The following RFC4 variants were observed in gnomAD, a reference collection of about 807,000 sequenced individuals.
The protein encoded by RFC4 is replication factor C subunit 4.
A neutral mutation model predicts 47.6 loss-of-function variants in RFC4; 38 were observed. That is an observed-to-expected ratio of 0.80 (90% confidence interval 0.62 to 1.05). The LOEUF (loss-of-function observed/expected upper bound fraction) is 1.05, where lower values mean the gene tolerates loss of function less well. Ranked by LOEUF, RFC4 falls within the 50% of genes least tolerant of loss-of-function variation. The pLI, the probability that RFC4 is intolerant of heterozygous loss-of-function variation, is 0.00. For missense variants in RFC4, 489 were observed against 434.0 expected (o/e 1.13, Z -1.13); for synonymous variants, 164 against 150.0 (o/e 1.09, Z -0.68).
intron 5 of RFC4, 28 bp downstream of exon 5, chr3:186,794,630 A>G: frequency 6.2e-7 from 1 of 1,606,842 alleles, no homozygotes; most frequent in Non-Finnish European, 8.5e-7. Context: ...AATACATGCT[A>G]TGGAGGAGGG....
At chr3:186,798,859 T>C (rs1252137852) in intron 3 of RFC4, among the ~76,000 whole-genome samples, 1 of 152,238 alleles carries the variant, frequency 6.6e-6, no homozygotes, top group Non-Finnish European at 1.5e-5. Context: ...GCCTGTCTAC[T>C]TCATTAAAAG....
intron 1 of RFC4, among the ~76,000 whole-genome samples, chr3:186,805,054 T>C (rs1453610446): frequency 1.3e-5 from 2 of 152,216 alleles, no homozygotes; most frequent in Admixed American, 1.3e-4. Context: ...ATAAATATGA[T>C]GTTGCTAATG....
intron 8 of RFC4, among the ~76,000 whole-genome samples, chr3:186,790,745 A>C (rs946997905): frequency 6.6e-6 from 1 of 152,246 alleles, no homozygotes; most frequent in African/African-American, 2.4e-5. Context: ...TCAATCAAAA[A>C]GACTGATTTC....
At chr3:186,801,562 T>C (rs954150669) in intron 2 of RFC4, 18 of 180,608 alleles carry the variant, frequency 1.0e-4, no homozygotes, top group Non-Finnish European at 1.2e-5. Context: ...ACACAAAAAA[T>C]TAGCCAGGCG....
In RFC4 at chr3:186,789,959, T is replaced by TATATTCACGTTAACAATTCTGAG; in HGVS notation, c.1079_*9dup. ...TTATTTACAAAACCCCCCATCCAGA[T>TATATTCACGTTAACAATTCTGAG]ATATTCACGTTAACAATTCTGAGAT... On this transcript the variant is annotated 3_prime_UTR_variant, in exon 11 of 11. Coordinates refer to ENST00000296273, the MANE Select transcript of RFC4 (RefSeq NM_002916.5). 6.5e-7 allele frequency: 1 copy of TATATTCACGTTAACAATTCTGAG among 1,536,082 alleles called. No individual in the cohort carries two copies. Among genetic ancestry groups the TATATTCACGTTAACAATTCTGAG allele is most frequent in the Non-Finnish European group, 9.0e-7 (1 of 1,110,620 alleles).
At chr3:186,791,916 A>C in intron 7 of RFC4, 66 bp from the exon 8 acceptor site, 1 of 1,391,262 alleles carries the variant, frequency 7.2e-7, no homozygotes, top group Non-Finnish European at 9.9e-7. Context: ...TTAATTTTAA[A>C]ATGTTTAATA....
intron 2 of RFC4, 126 bp from the exon 3 acceptor site, chr3:186,801,321 T>G: frequency 1.4e-6 from 1 of 707,334 alleles, no homozygotes; most frequent in African/African-American, 1.8e-5. Context: ...AATGAGAAAC[T>G]TTTTCATAAT....
At chr3:186,804,773 T>G (rs967834515) in intron 1 of RFC4, 49 bp from the exon 2 acceptor site, 1 of 1,572,214 alleles carries the variant, frequency 6.4e-7, no homozygotes, top group African/African-American at 1.4e-5. Context: ...AAACTTTTAT[T>G]GCGAATCAGC....
At chr3:186,804,542 T>C (rs757535939) in intron 2 of RFC4, 41 bp downstream of exon 2, 2 of 1,594,290 alleles carry the variant, frequency 1.3e-6, no homozygotes, top group East Asian at 2.2e-5. Flanking sequence ...GTTAGAGAGA[T>C]AATTTATGAA....
intron 3 of RFC4, among the ~76,000 whole-genome samples, chr3:186,799,723 A>C (rs953037853): frequency 1.3e-5 from 2 of 152,070 alleles, no homozygotes; most frequent in Non-Finnish European, 2.9e-5. Flanking sequence ...AATTACAAAA[A>C]AAAACAAAAA....
intron 5 of RFC4, 107 bp downstream of exon 5, chr3:186,794,551 A>C: frequency 8.9e-7 from 1 of 1,126,726 alleles, no homozygotes; most frequent in South Asian, 1.5e-5. Flanking sequence ...AAAGTTGACA[A>C]TTTGGCAGAA....
intron 9 of RFC4, 25 bp downstream of exon 9, chr3:186,790,301 C>T (rs372713463): frequency 1.5e-4 from 247 of 1,612,038 alleles, no homozygotes; most frequent in Non-Finnish European, 1.9e-4. Context: ...TATTCCTTTC[C>T]CCAAAGTTAG....
intron 3 of RFC4, among the ~76,000 whole-genome samples, 191 bp downstream of exon 3, chr3:186,800,926 T>C (rs1273178905): frequency 6.6e-6 from 1 of 152,218 alleles, no homozygotes; most frequent in African/African-American, 2.4e-5. Flanking sequence ...TAGGTAACAC[T>C]GCTATGTAAG....
chr3:186,792,805 G>T lies in RFC4; in HGVS notation c.553C>A (p.Arg185=), dbSNP rs372512865. 1.2e-6 allele frequency: 2 copies of T among 1,611,928 alleles called. No individual in the cohort carries two copies. Among genetic ancestry groups the T allele is most frequent in the South Asian group, 1.1e-5 (1 of 90,604 alleles). ...CTGTCTTCAGGGCAATATACATACC[G>T]ACTGACATAGTTACAGATAAGACAG... is the stretch of plus-strand genomic sequence containing the variant. ...RFCLICNYVS[R]IIEPLTSRCS... The change falls in exon 6 of 11, where the codon CGA becomes AGA. Residue 185 remains arginine, a splice_region_variant and synonymous_variant. Coordinates refer to ENST00000296273, the MANE Select transcript of RFC4 (RefSeq NM_002916.5).
At chr3:186,801,223 T>C (rs371705418) in intron 2 of RFC4, 28 bp from the exon 3 acceptor site, 117 of 1,542,608 alleles carry the variant, frequency 7.6e-5, no homozygotes, top group Non-Finnish European at 1.0e-4. Context: ...AGGAAAGAGG[T>C]TATTTAGTAT....
intron 8 of RFC4, 167 bp downstream of exon 8, chr3:186,791,558 G>A: frequency 4.4e-6 from 3 of 684,104 alleles, no homozygotes; most frequent in Non-Finnish European, 5.3e-6. Flanking sequence ...TGAAAAGTCA[G>A]TGCTATCTCC....
intron 2 of RFC4, chr3:186,801,439 C>A: frequency 4.2e-6 from 2 of 471,076 alleles, no homozygotes; most frequent in Non-Finnish European, 7.5e-6. Flanking sequence ...GTTATACCCA[C>A]AAAAATTAAA....
intron 2 of RFC4, among the ~76,000 whole-genome samples, chr3:186,804,236 A>G (rs3917102): frequency 0.01 from 1,591 of 152,296 alleles, 23 homozygotes; most frequent in East Asian, 0.072. Context: ...GAGAAGAAGG[A>G]GGAACAGATT....
chr3:186,804,511 A>T, intron 2 of RFC4, 72 bp downstream of exon 2: 1 of 1,458,382 alleles, frequency 6.9e-7, no homozygotes, highest in Non-Finnish European at 9.3e-7. Context: ...AGTTAAAAAA[A>T]AAAAAAAGTG....
Sources: gnomAD v4.1 joint callset for allele counts (sites outside exome capture counted in the v4.1 genomes callset) on GRCh38, gnomAD v4.1.1 for gene constraint, MANE v1.5 for transcripts, NCBI Gene and HGNC (gene_info 2026-07-23, HGNC 2026-07-21) for gene names.